SDR16C5: variants seen among roughly 807,000 people sequenced by gnomAD.
SDR16C5 encodes short chain dehydrogenase/reductase family 16C member 5.
A neutral mutation model predicts 27.7 loss-of-function variants in SDR16C5; 20 were observed. That is an observed-to-expected ratio of 0.72 (90% CI 0.51 to 1.05). The LOEUF (loss-of-function observed/expected upper bound fraction) is 1.05, where lower values mean the gene tolerates loss of function less well. Among genes scored for constraint, SDR16C5 ranks in the 50% least tolerant of loss-of-function variants. The probability of loss-of-function intolerance (pLI) is 0.00; values close to 1 mark genes in which losing one functional copy is unlikely to be tolerated. For synonymous variants in SDR16C5, 139 were observed against 132.3 expected (o/e 1.05, Z -0.35); for missense variants, 374 against 366.3 (o/e 1.02, Z -0.17).
chr8:56,310,150 GGA>G (rs1335856336), intron 3 of SDR16C5, among the ~76,000 whole-genome samples: 2 of 30,756 alleles, frequency 6.5e-5, no homozygotes, highest in African/African-American at 3.1e-4. Context: ...AGGAGGAGGA[GGA>G]AGGAGGAGGA....
chr8:56,311,346 T>A (rs1225743588), intron 3 of SDR16C5, among the ~76,000 whole-genome samples: 1 of 151,704 alleles, frequency 6.6e-6, no homozygotes, highest in Non-Finnish European at 1.5e-5. Context: ...ATCCGGGAGG[T>A]TGGAGGTTGC....
rs1814723287 is a variant in SDR16C5, at chr8:56,300,464, C to T, written c.*1016G>A. ...CCCCCACCAGCCTGAGAAGGAGTTCCAGGGATATGGTAATTAACATATTTT... is the reference window on the plus strand; with the variant it reads ...CCCCCACCAGCCTGAGAAGGAGTTCTAGGGATATGGTAATTAACATATTTT... On this transcript the variant is annotated 3_prime_UTR_variant, in exon 7 of 7. Transcript: ENST00000303749. 6.6e-6 allele frequency: 1 copy of T among 152,200 alleles called. No homozygotes were observed. Among genetic ancestry groups the T allele is most frequent in the African/African-American group, 2.4e-5 (1 of 41,446 alleles). 9.4% of individuals were successfully genotyped at this position (152,200 alleles called of 1,614,324 possible). A position where few individuals can be genotyped will look rare whatever the true frequency, so the allele number is the denominator to read the frequency against.
At chr8:56,304,054 G>A in intron 6 of SDR16C5, 1 of 702,970 alleles carries the variant, frequency 1.4e-6, no homozygotes, top group Non-Finnish European at 2.6e-6. Context: ...CCTCAGTCAG[G>A]CATTCTGACC....
chr8:56,301,597 TTTC>T (rs763437998), intron 6 of SDR16C5, 24 bp from the exon 7 acceptor site: 27 of 1,539,714 alleles, frequency 1.8e-5, no homozygotes, highest in Non-Finnish European at 2.3e-5. Context: ...AAGAATAAAC[TTTC>T]TTTATTATCA....
In SDR16C5 at chr8:56,301,363, G is replaced by A; in HGVS notation, c.*117C>T. The A allele has an allele frequency of 1.5e-6, 1 of 684,988 alleles. No homozygotes were observed. 42.4% of individuals were successfully genotyped at this position (684,988 alleles called of 1,614,324 possible). A position where few individuals can be genotyped will look rare whatever the true frequency, so the allele number is the denominator to read the frequency against. On this transcript the variant is annotated 3_prime_UTR_variant, in exon 7 of 7. Coordinates refer to ENST00000303749, the MANE Select transcript of SDR16C5 (RefSeq NM_138969.4). The stretch of plus-strand genomic sequence containing the variant: ...AAATTCTAGTCCAGATAACAGAATA[G>A]GAGTGGTACTTGTGGTCTCCAGATA...
intron 3 of SDR16C5, among the ~76,000 whole-genome samples, chr8:56,311,454 C>A (rs1485250860): frequency 2.0e-5 from 3 of 152,082 alleles, no homozygotes; most frequent in African/African-American, 7.2e-5. Flanking sequence ...AATAAAAATA[C>A]AACTTTTAAT....
chr8:56,304,486 T>C (rs893724396), intron 6 of SDR16C5, among the ~76,000 whole-genome samples: 1 of 151,818 alleles, frequency 6.6e-6, no homozygotes. Flanking sequence ...CCTATGAATT[T>C]CAGCACTGAA....
intron 2 of SDR16C5, among the ~76,000 whole-genome samples, chr8:56,313,735 G>A (rs1482077447): frequency 2.6e-5 from 4 of 152,172 alleles, no homozygotes; most frequent in Non-Finnish European, 5.9e-5. Context: ...TGCCTGTCCT[G>A]TTTTCATCAA....
intron 4 of SDR16C5, among the ~76,000 whole-genome samples, chr8:56,308,404 C>T (rs1051572216): frequency 1.3e-5 from 2 of 152,194 alleles, no homozygotes; most frequent in East Asian, 1.9e-4. Context: ...TGCCCTCTCC[C>T]CACTGCTACT....
At chr8:56,310,100 GAGGAAGGAGGAGGAGA>G (rs1814987655) in intron 3 of SDR16C5, among the ~76,000 whole-genome samples, 1 of 140,218 alleles carries the variant, frequency 7.1e-6, no homozygotes, top group Admixed American at 7.3e-5. Flanking sequence ...GGAGGAAGAG[GAGGAAGGAGGAGGAGA>G]AGGAAGGAGG....
In SDR16C5 at chr8:56,305,587, A is replaced by C; in HGVS notation, c.836+10T>G. 2 of 1,574,416 alleles carry C rather than the reference A, an allele frequency of 1.3e-6. No homozygotes were observed. The highest frequency in any genetic ancestry group is 3.3e-4 in the Middle Eastern group (2 of 5,976). ...CATGTTAGGGAAGTAATAGAAGCTG[A>C]TGTAATTACCTTTTAAGAAACATCA... On this transcript the variant is annotated intron_variant, in intron 6 of 6. Coordinates refer to ENST00000303749, the MANE Select transcript of SDR16C5 (RefSeq NM_138969.4).
chr8:56,319,973 A>G (rs1261088449), intron 1 of SDR16C5, 86 bp downstream of exon 1: 1 of 152,512 alleles, frequency 6.6e-6, no homozygotes, highest in African/African-American at 2.4e-5. Flanking sequence ...GCGTGAAACC[A>G]GCCCAAAGGG....
At chr8:56,313,642 T>C (rs1340734774) in intron 2 of SDR16C5, among the ~76,000 whole-genome samples, 1 of 152,238 alleles carries the variant, frequency 6.6e-6, no homozygotes, top group Non-Finnish European at 1.5e-5. Context: ...ACCACCATTT[T>C]GTATATGGTC....
chr8:56,303,939 T>C (rs1165193301), intron 6 of SDR16C5: 1 of 702,384 alleles, frequency 1.4e-6, no homozygotes, highest in South Asian at 1.5e-5. Flanking sequence ...AGCCAAGACC[T>C]GGAGAATAAA....
intron 1 of SDR16C5, among the ~76,000 whole-genome samples, chr8:56,319,245 C>G (rs572251899): frequency 6.6e-6 from 1 of 152,254 alleles, no homozygotes; most frequent in Non-Finnish European, 1.5e-5. Flanking sequence ...ATGTCTCCCC[C>G]TCTGCTCCTC....
chr8:56,312,082 G>T, intron 3 of SDR16C5, 75 bp downstream of exon 3: 1 of 1,313,330 alleles, frequency 7.6e-7, no homozygotes, highest in Non-Finnish European at 1.1e-6. Flanking sequence ...TAATAATATT[G>T]TAAAAGAGCA....
intron 5 of SDR16C5, among the ~76,000 whole-genome samples, chr8:56,306,121 C>A (rs1297803281): frequency 6.6e-6 from 1 of 152,152 alleles, no homozygotes; most frequent in African/African-American, 2.4e-5. Context: ...GAAGCCTAAA[C>A]TCCCAATGTG....
intron 6 of SDR16C5, among the ~76,000 whole-genome samples, chr8:56,305,359 G>T (rs570958853): frequency 6.6e-6 from 1 of 152,140 alleles, no homozygotes; most frequent in Admixed American, 6.5e-5. Context: ...AGAATAATTC[G>T]ATACTAAGGT....
chr8:56,304,643 A>G (rs4404909), intron 6 of SDR16C5, among the ~76,000 whole-genome samples: 4 of 151,694 alleles, frequency 2.6e-5, no homozygotes, highest in African/African-American at 9.7e-5. Flanking sequence ...GTTTCAAGCG[A>G]TTCTCCTGCC....
Sources: allele counts gnomAD v4.1 joint callset (sites outside exome capture counted in the v4.1 genomes callset), GRCh38; gene constraint gnomAD v4.1.1; transcripts MANE v1.5; gene names NCBI Gene and HGNC (gene_info 2026-07-23, HGNC 2026-07-21).